Variants in NLRP4 observed in about 807,000 individuals in gnomAD.
NLRP4 encodes the protein NACHT, LRR and PYD domains-containing protein 4.
NLRP4 carries 44 observed loss-of-function variants against 84.7 expected under a neutral mutation model. That is an observed-to-expected ratio of 0.52 (90% CI 0.41 to 0.67). The LOEUF is 0.67. Ranked by LOEUF, NLRP4 falls within the 30% of genes least tolerant of loss-of-function variation. The pLI is 0.00. For synonymous variants in NLRP4, 544 were observed against 476.4 expected (o/e 1.14, Z -1.85); for missense variants, 1,260 against 1,219.4 (o/e 1.03, Z -0.50).
intron 1 of NLRP4, among the ~76,000 whole-genome samples, chr19:55,846,724 A>G (rs1368013147): frequency 6.6e-6 from 1 of 152,094 alleles, no homozygotes; most frequent in African/African-American, 2.4e-5. Flanking sequence ...GTTGGTGCTG[A>G]TGTTCCTTGG....
Position 55,858,686 on chromosome 19 carries a change from G to A in NLRP4, c.1293G>A (p.Ala431=), listed in dbSNP as rs1320712119. 49 of 1,613,864 alleles carry A rather than the reference G, an allele frequency of 3.0e-5. No homozygotes were observed. Among genetic ancestry groups the A allele is most frequent in the Non-Finnish European group, 3.8e-5 (45 of 1,179,900 alleles). Residue 431 remains alanine (A), a synonymous_variant, in exon 3 of 10, where the codon GCG becomes GCA. Transcript: ENST00000301295. The surrounding 1 kb of genome is among the most constrained non-coding windows in gnomAD (Gnocchi z 4.2). ...RNGVVDADIP[A]LLGTKILLKY... Reference sequence around the variant, plus strand: ...GGGTTGTTGACGCTGACATCCCTGCGCTGCTGGGCACCAAGATACTTCTGA... The same window carrying A: ...GGGTTGTTGACGCTGACATCCCTGCACTGCTGGGCACCAAGATACTTCTGA...
intron 1 of NLRP4, among the ~76,000 whole-genome samples, chr19:55,846,642 G>A (rs1983806395): frequency 6.6e-6 from 1 of 152,094 alleles, no homozygotes; most frequent in Non-Finnish European, 1.5e-5. Flanking sequence ...AAAATTAACA[G>A]ATGGCTGTGC....
chr19:55,847,114 AT>A (rs568279525), intron 1 of NLRP4, among the ~76,000 whole-genome samples: 2 of 151,540 alleles, frequency 1.3e-5, no homozygotes, highest in African/African-American at 2.4e-5. Context: ...ATGCTATTAA[AT>A]TTTTTTTAAA....
intron 2 of NLRP4, among the ~76,000 whole-genome samples, chr19:55,853,841 C>T (rs1013972141): frequency 3.3e-5 from 5 of 150,796 alleles, no homozygotes; most frequent in South Asian, 4.2e-4. Flanking sequence ...TTCTCTCTCT[C>T]GTTCTGTCTT....
intron 5 of NLRP4, among the ~76,000 whole-genome samples, chr19:55,865,124 C>G (rs1020814115): frequency 6.9e-6 from 1 of 145,656 alleles, no homozygotes; most frequent in African/African-American, 2.6e-5. Flanking sequence ...GATTTTTCTT[C>G]CCCACCTTCT....
Position 55,857,759 on chromosome 19 carries a change from C to T in NLRP4, c.366C>T (p.Tyr122=), listed in dbSNP as rs1168814143. The T allele has an allele frequency of 1.2e-6, 2 of 1,614,000 alleles. No homozygotes were observed. Among genetic ancestry groups the T allele is most frequent in the Admixed American group, 1.7e-5 (1 of 60,014 alleles). ...AGTCTGTCACTGAGATTCACCTATACTTTGAGGAGGAAGTCAAGCAAGAAG... is the reference window on the plus strand; with the variant it reads ...AGTCTGTCACTGAGATTCACCTATATTTTGAGGAGGAAGTCAAGCAAGAAG... ...SSKSVTEIHL[Y]FEEEVKQEEC... is the part of the protein sequence containing the mutation. The change falls in exon 3 of 10, where the codon TAC becomes TAT. Residue 122 remains tyrosine (Y), a synonymous_variant. Coordinates refer to ENST00000301295, the MANE Select transcript of NLRP4 (RefSeq NM_134444.5).
chr19:55,881,251 A>C (rs1386607164), intron 9 of NLRP4, among the ~76,000 whole-genome samples: 1 of 151,718 alleles, frequency 6.6e-6, no homozygotes, highest in Non-Finnish European at 1.5e-5. Context: ...ACACCACAGA[A>C]ATTGGCAAAG....
rs1257236867 is a variant in NLRP4 at position 55,852,254 on chromosome 19, C to T, written c.174C>T (p.Leu58=). The T allele has an allele frequency of 1.2e-6, 2 of 1,609,010 alleles. No homozygotes were observed. The highest frequency in any genetic ancestry group is 2.2e-5 in the South Asian group (2 of 89,702). Residue 58 remains leucine, a synonymous_variant, in exon 2 of 10, where the codon CTC becomes CTT. Coordinates refer to ENST00000301295, the MANE Select transcript of NLRP4 (RefSeq NM_134444.5). ...CATCCCGGGAAGAACTTGCAAACCT[C>T]TTGATCAAGCACTATGAAGAACAAC... ...KKASREELAN[L]LIKHYEEQQA...
chr19:55,850,098 C>T (rs921786722), intron 1 of NLRP4, among the ~76,000 whole-genome samples: 6 of 127,590 alleles, frequency 4.7e-5, no homozygotes, highest in Admixed American at 7.3e-5. Context: ...TCCGTGGCTG[C>T]GGTGTAATTA....
At position 55,861,973 on chromosome 19, in the gene NLRP4, A is replaced by G. The variant is rs374009170; in HGVS notation, c.2019-19A>G. The G allele has an allele frequency of 3.7e-6, 6 of 1,603,354 alleles. No homozygotes were observed. The African/African-American group carries it at 6.7e-5, about 18-fold the overall frequency. ...TCCCATTAGATGAAACTCATCCAAA[A>G]TTTTCTTTGTTTTTGCAGAATAAAT... On this transcript the variant is annotated intron_variant, in intron 4 of 9. Transcript: ENST00000301295.
At chr19:55,866,995 G>A (rs375823093) in intron 5 of NLRP4, among the ~76,000 whole-genome samples, 8 of 151,342 alleles carry the variant, frequency 5.3e-5, no homozygotes, top group African/African-American at 1.5e-4. Context: ...GACACTGTGC[G>A]TCTCAGGTTG....
At chr19:55,853,949 TTCTC>T (rs1406550093) in intron 2 of NLRP4, among the ~76,000 whole-genome samples, 8 of 121,122 alleles carry the variant, frequency 6.6e-5, no homozygotes, top group South Asian at 2.6e-4. Flanking sequence ...CTTTCTGTCT[TTCTC>T]TCTATTTCTC....
chr19:55,857,638 TG>T, intron 2 of NLRP4, 35 bp from the exon 3 acceptor site: 1 of 1,594,676 alleles, frequency 6.3e-7, no homozygotes, highest in African/African-American at 1.3e-5. Context: ...TGCTTAACTT[TG>T]TGGGTTTTCT....
chr19:55,858,717 G>A lies in NLRP4; in HGVS notation c.1324G>A (p.Gly442Arg), dbSNP rs374627097. 13 of 1,613,954 alleles carry A rather than the reference G, an allele frequency of 8.1e-6. No individual in the cohort carries two copies. Among genetic ancestry groups the A allele is most frequent in the African/African-American group, 1.3e-5 (1 of 74,920 alleles). ...LLGTKILLKY[G>R]ERESSYVFLH... ...GGGCACCAAGATACTTCTGAAGTAC[G>A]GGGAGCGTGAGAGCTCCTACGTGTT... Residue 442 changes from glycine to arginine, a missense_variant, in exon 3 of 10, where the codon GGG becomes AGG. By Grantham distance (125) the Gly-to-Arg change is moderately radical (BLOSUM62 -2). This residue lies in a region of NLRP4 where 712 missense variants were observed against 669.2 expected (regional missense o/e 1.06). Transcript: ENST00000301295. The surrounding 1 kb of genome is among the most constrained non-coding windows in gnomAD (Gnocchi z 4.2).
chr19:55,880,741 C>G (rs1345744515), intron 9 of NLRP4, among the ~76,000 whole-genome samples: 1 of 151,970 alleles, frequency 6.6e-6, no homozygotes, highest in African/African-American at 2.4e-5. Context: ...TGATTCAAAG[C>G]AATGATACAA....
chr19:55,879,047 T>G (rs1416002347), intron 9 of NLRP4, 83 bp downstream of exon 9: 24 of 1,100,312 alleles, frequency 2.2e-5, no homozygotes, highest in Non-Finnish European at 3.0e-5. Flanking sequence ...GTAATCACGT[T>G]GCATTTAAAA....
intron 1 of NLRP4, among the ~76,000 whole-genome samples, chr19:55,850,224 AATTTCCGT>A (rs1291427958): frequency 5.3e-5 from 6 of 113,996 alleles, no homozygotes; most frequent in African/African-American, 2.9e-4. Context: ...GCTGCGGTGT[AATTTCCGT>A]GGCTGCGGTG....
At position 55,859,189 on chromosome 19, in the gene NLRP4, TGAG is replaced by T. The variant is rs1298782698; in HGVS notation, c.1799_1801del (p.Arg600del). On this transcript the variant is annotated inframe_deletion, in exon 3 of 10. Transcript: ENST00000301295. ...TACTGCTTAAAATACTGCTCCAGCT[TGAG>T]GAAACTCTGTTTTTCCGTTCAAAAT... is the stretch of plus-strand genomic sequence containing the variant. 1 of 1,610,116 alleles carries T rather than the reference TGAG, an allele frequency of 6.2e-7. No individual in the cohort carries two copies. The highest frequency in any genetic ancestry group is 1.7e-5 in the Admixed American group (1 of 59,960).
intron 1 of NLRP4, among the ~76,000 whole-genome samples, chr19:55,841,160 C>T (rs1030877274): frequency 1.3e-5 from 2 of 152,174 alleles, no homozygotes; most frequent in African/African-American, 4.8e-5. Context: ...AATCTTCTAG[C>T]TATTTTGAAA....
Sources: allele counts gnomAD v4.1 joint callset (sites outside exome capture counted in the v4.1 genomes callset), GRCh38; gene constraint gnomAD v4.1.1; regional missense constraint gnomAD v4.1.1; non-coding constraint Gnocchi (gnomAD v3.1); transcripts MANE v1.5; gene names NCBI Gene and HGNC (gene_info 2026-07-23, HGNC 2026-07-21).